GTF2F2: variants seen among roughly 807,000 people sequenced by gnomAD.
GTF2F2 encodes general transcription factor IIF subunit 2.
In GTF2F2, 23 loss-of-function variants were observed where a neutral mutation model predicts 42.2. The ratio of observed to expected loss-of-function variants is 0.55; its 90% CI spans 0.39 to 0.77. GTF2F2 has a LOEUF of 0.77. Ranked by LOEUF, GTF2F2 falls within the 30% of genes least tolerant of loss-of-function variation. The probability of loss-of-function intolerance (pLI) is 0.00; values close to 1 mark genes in which losing one functional copy is unlikely to be tolerated. For missense variants in GTF2F2, 261 were observed against 287.2 expected (o/e 0.91, Z 0.66); for synonymous variants, 105 against 100.8 (o/e 1.04, Z -0.25).
chr13:45,148,580 A>G lies in GTF2F2; in HGVS notation c.141-1190A>G, dbSNP rs557629704. Reference sequence around the variant, plus strand: ...TGTTGGGTCATTCCTTAACTCTTAAAATGGAAGAAATGGCTTCTTCCTGTC... The same window carrying G: ...TGTTGGGTCATTCCTTAACTCTTAAGATGGAAGAAATGGCTTCTTCCTGTC... On this transcript the variant is annotated intron_variant, in intron 2 of 7. Transcript: ENST00000340473. Among the ~76,000 whole-genome samples, 8 of 152,188 alleles carry G rather than the reference A, an allele frequency of 5.3e-5. No homozygotes were observed. In the South Asian group the frequency reaches 1.7e-3, roughly 32 times the overall value.
chr13:45,248,676 A>G (rs747923968), intron 5 of GTF2F2, among the ~76,000 whole-genome samples: 2 of 151,956 alleles, frequency 1.3e-5, no homozygotes, highest in African/African-American at 2.4e-5. Context: ...GGGTTTCGCC[A>G]TGTTGGGCAA....
At chr13:45,206,262 C>T (rs1457985631) in intron 4 of GTF2F2, 1 of 152,106 alleles carries the variant, frequency 6.6e-6, no homozygotes, top group East Asian at 1.9e-4. Context: ...ATTTTGGAGA[C>T]ATCCAAAGAT....
intron 7 of GTF2F2, among the ~76,000 whole-genome samples, chr13:45,280,126 G>A (rs1053055839): frequency 6.6e-6 from 1 of 152,062 alleles, no homozygotes; most frequent in Admixed American, 6.6e-5. Flanking sequence ...GGAGATAAAC[G>A]TTACAAGGAA....
chr13:45,244,220 G>A (rs1376096152), intron 5 of GTF2F2, among the ~76,000 whole-genome samples: 10 of 152,226 alleles, frequency 6.6e-5, no homozygotes, highest in Admixed American at 6.5e-4. Context: ...AAATTACTTT[G>A]AACTAAGTTC....
intron 1 of GTF2F2, among the ~76,000 whole-genome samples, chr13:45,125,576 C>T (rs897079649): frequency 1.3e-5 from 2 of 152,154 alleles, no homozygotes; most frequent in Admixed American, 6.5e-5. Flanking sequence ...CCCGTCTCGG[C>T]CTTCCAAAGT....
intron 5 of GTF2F2, among the ~76,000 whole-genome samples, chr13:45,224,403 T>G (rs1046131791): frequency 2.0e-5 from 3 of 152,220 alleles, no homozygotes; most frequent in South Asian, 4.1e-4. Flanking sequence ...AGTGAAGGTC[T>G]GATGGGCTTG....
At position 45,258,745 on chromosome 13, in the gene GTF2F2, A is replaced by T. The variant is rs577409024; in HGVS notation, c.486+5775A>T. ...AATTATACTCTTTCATCCCTTTAAA[A>T]TTTTTTATCTTGTGTATGCTTATAT... On this transcript the variant is annotated intron_variant, in intron 6 of 7. Coordinates refer to ENST00000340473, the MANE Select transcript of GTF2F2 (RefSeq NM_004128.3). Among the ~76,000 whole-genome samples the T allele has an allele frequency of 2.6e-3, 396 of 152,276 alleles. 2 individuals are homozygous for T. Among genetic ancestry groups the T allele is most frequent in the African/African-American group, 8.9e-3 (369 of 41,552 alleles).
At chr13:45,280,337 C>G (rs1193485810) in intron 7 of GTF2F2, among the ~76,000 whole-genome samples, 1 of 152,248 alleles carries the variant, frequency 6.6e-6, no homozygotes, top group Non-Finnish European at 1.5e-5. Flanking sequence ...TGTGCTCTTT[C>G]TGTTCTCTGT....
chr13:45,284,258 G>C lies in GTF2F2; in HGVS notation c.*697G>C, dbSNP rs987222473. On this transcript the variant is annotated 3_prime_UTR_variant, in exon 8 of 8. Coordinates refer to ENST00000340473, the MANE Select transcript of GTF2F2 (RefSeq NM_004128.3). Reference sequence around the variant, plus strand: ...TTTGAAGATATGTCTCCCCCAGTCAGATTATAAGCTTCTCAAAACTGGCTT... The same window carrying C: ...TTTGAAGATATGTCTCCCCCAGTCACATTATAAGCTTCTCAAAACTGGCTT... 30 of 152,102 alleles carry C rather than the reference G, an allele frequency of 2.0e-4. 1 individual carries two copies. The highest frequency in any genetic ancestry group is 6.3e-4 in the African/African-American group (26 of 41,512). The allele number at this position is 152,102 out of a possible 1,614,324, so 9.4% of individuals were successfully genotyped here.
intron 2 of GTF2F2, among the ~76,000 whole-genome samples, chr13:45,143,527 C>T (rs1870036437): frequency 6.6e-6 from 1 of 152,204 alleles, no homozygotes. Context: ...GTTGTAACCA[C>T]GCATACTACA....
chr13:45,269,560 A>G (rs1224403913), intron 7 of GTF2F2, among the ~76,000 whole-genome samples: 1 of 152,166 alleles, frequency 6.6e-6, no homozygotes, highest in African/African-American at 2.4e-5. Flanking sequence ...AATCTGTACT[A>G]ATGGTCATCA....
chr13:45,128,578 A>T (rs1869169602), intron 1 of GTF2F2, among the ~76,000 whole-genome samples: 1 of 151,280 alleles, frequency 6.6e-6, no homozygotes, highest in African/African-American at 2.4e-5. Context: ...GTCTCAAAAA[A>T]ATAAAATTTA....
At chr13:45,247,231 G>T (rs1338295514) in intron 5 of GTF2F2, among the ~76,000 whole-genome samples, 1 of 151,146 alleles carries the variant, frequency 6.6e-6, no homozygotes, top group Non-Finnish European at 1.5e-5. Flanking sequence ...GTGTGGTGGT[G>T]CATGCCTGTA....
chr13:45,191,224 A>AAAAAAATATATATATAT, intron 4 of GTF2F2, among the ~76,000 whole-genome samples: 9 of 75,304 alleles, frequency 1.2e-4, no homozygotes, highest in East Asian at 6.0e-4. Flanking sequence ...ACAAAAAAAA[A>AAAAAAATATATATATAT]ATATATATAT....
chr13:45,242,566 C>T (rs1264104450), intron 5 of GTF2F2, among the ~76,000 whole-genome samples: 1 of 152,036 alleles, frequency 6.6e-6, no homozygotes, highest in Non-Finnish European at 1.5e-5. Context: ...TTGACAGTTG[C>T]TGGTGGAAAC....
intron 4 of GTF2F2, among the ~76,000 whole-genome samples, chr13:45,170,255 C>G (rs1593468472): frequency 6.6e-6 from 1 of 152,296 alleles, no homozygotes; most frequent in African/African-American, 2.4e-5. Context: ...CTCAGACCCC[C>G]CCTGCCTTGG....
intron 4 of GTF2F2, among the ~76,000 whole-genome samples, chr13:45,175,953 G>A (rs952699294): frequency 6.6e-6 from 1 of 152,122 alleles, no homozygotes; most frequent in African/African-American, 2.4e-5. Context: ...GTAACATTTT[G>A]TTTTTGCCTG....
intron 5 of GTF2F2, among the ~76,000 whole-genome samples, chr13:45,230,909 T>C (rs1874643447): frequency 1.3e-5 from 2 of 152,116 alleles, no homozygotes; most frequent in Non-Finnish European, 1.5e-5. Flanking sequence ...TTTTTTAGTT[T>C]GCAGCTTTTG....
intron 4 of GTF2F2, among the ~76,000 whole-genome samples, chr13:45,177,314 A>G (rs191424715): frequency 6.6e-6 from 1 of 152,286 alleles, no homozygotes; most frequent in East Asian, 1.9e-4. Flanking sequence ...TAGCAAAGTT[A>G]TACAGTTGCG....
Sources: gnomAD v4.1 joint callset for allele counts (sites outside exome capture counted in the v4.1 genomes callset) on GRCh38, gnomAD v4.1.1 for gene constraint, MANE v1.5 for transcripts, NCBI Gene and HGNC (gene_info 2026-07-23, HGNC 2026-07-21) for gene names.